IDUA: variants seen among roughly 807,000 people sequenced by gnomAD.
IDUA encodes alpha-L-iduronidase.
A neutral mutation model predicts 68.9 loss-of-function variants in IDUA; 65 were observed. The ratio of observed to expected loss-of-function variants is 0.94; its 90% CI spans 0.77 to 1.16. IDUA has a LOEUF of 1.16. Among genes scored for constraint, IDUA ranks in the 50% most tolerant of loss-of-function variants. The probability of loss-of-function intolerance (pLI) is 0.00; values close to 1 mark genes in which losing one functional copy is unlikely to be tolerated. For missense variants in IDUA, 1,046 were observed against 938.0 expected (o/e 1.12, Z -1.50); for synonymous variants, 529 against 433.6 (o/e 1.22, Z -2.73).
At chr4:987,610 C>T (rs1713836975) in intron 1 of IDUA, 199 bp from the exon 2 acceptor site, 4 of 1,435,970 alleles carry the variant, frequency 2.8e-6, no homozygotes, top group East Asian at 2.5e-5. Context: ...GTTGGCCCCT[C>T]GTCTTACTGC....
intron 2 of IDUA, chr4:988,825 T>C (rs1331092895): frequency 1.3e-6 from 2 of 1,575,026 alleles, no homozygotes; most frequent in South Asian, 2.4e-5. Context: ...TGGGCAGGCC[T>C]GGCCCTGCTA....
chr4:992,217 C>T (rs1470706413), intron 2 of IDUA: 2 of 458,156 alleles, frequency 4.4e-6, no homozygotes, highest in Admixed American at 2.3e-5. Flanking sequence ...GTGTCCACCT[C>T]CCTGGCTCCC....
chr4:989,763 G>C, intron 2 of IDUA: 6 of 1,560,622 alleles, frequency 3.8e-6, no homozygotes, highest in Non-Finnish European at 5.2e-6. Context: ...TGGTGGCGAA[G>C]CAGTGGAGGA....
intron 2 of IDUA, among the ~76,000 whole-genome samples, chr4:999,043 A>G (rs955391210): frequency 1.3e-5 from 2 of 152,008 alleles, no homozygotes; most frequent in African/African-American, 4.8e-5. Flanking sequence ...TCTCTACTAA[A>G]AATACAAAAA....
chr4:1,003,938 C>T (rs979452948), intron 12 of IDUA, 74 bp from the exon 13 acceptor site: 18 of 1,234,118 alleles, frequency 1.5e-5, no homozygotes, highest in South Asian at 2.4e-5. Context: ...TGGGTCCACG[C>T]GGCCGTGCCC....
chr4:996,866 C>T (rs555639920), intron 2 of IDUA, among the ~76,000 whole-genome samples: 4 of 152,258 alleles, frequency 2.6e-5, no homozygotes, highest in East Asian at 3.9e-4. Context: ...AGCCTGTGCA[C>T]GCGCAGGGCT....
At chr4:1,003,309 C>T in intron 10 of IDUA, 36 bp from the exon 11 acceptor site, 5 of 1,421,464 alleles carry the variant, frequency 3.5e-6, no homozygotes, top group Non-Finnish European at 4.6e-6. Context: ...TCCCCAGCTC[C>T]CCTGGAGAAC....
At chr4:1,002,605 C>G in intron 8 of IDUA, 120 bp downstream of exon 8, 1 of 1,194,546 alleles carries the variant, frequency 8.4e-7, no homozygotes, top group Non-Finnish European at 1.1e-6. Context: ...GGGTCGGCCT[C>G]CGCGTGGCGG....
In IDUA at chr4:1,000,984, A is replaced by T; in HGVS notation, c.488A>T (p.Tyr163Phe). The change falls in exon 4 of 14, where the codon TAC becomes TTC. Residue 163 changes from tyrosine (Y) to phenylalanine (F), a missense_variant. Physicochemically the swap from Tyr to Phe is conservative, Grantham distance 22. Transcript: ENST00000514224. ...KDLVSSLARR[Y>F]IGRYGLAHVS... is the part of the protein sequence containing the mutation. ...TTGGTCTCCAGCCTGGCCAGGAGATACATCGGTGGGCGAGCGCAGGCCCTG... is the reference window on the plus strand; with the variant it reads ...TTGGTCTCCAGCCTGGCCAGGAGATTCATCGGTGGGCGAGCGCAGGCCCTG... The T allele has an allele frequency of 6.2e-7, 1 of 1,610,370 alleles. No homozygotes were observed. Among genetic ancestry groups the T allele is most frequent in the Non-Finnish European group, 8.5e-7 (1 of 1,177,418 alleles).
At chr4:991,818 C>T (rs1231409805) in intron 2 of IDUA, 6 of 1,532,988 alleles carry the variant, frequency 3.9e-6, no homozygotes, top group Admixed American at 3.9e-5. Flanking sequence ...CCCCTTGGGG[C>T]GGACCCCTCG....
At chr4:989,745 G>A (rs1353664496) in intron 2 of IDUA, 1 of 1,557,084 alleles carries the variant, frequency 6.4e-7, no homozygotes, top group Non-Finnish European at 8.7e-7. Flanking sequence ...TCTTGGCCAG[G>A]GCGGCGCTGG....
At chr4:987,705 G>A (rs1165598791) in intron 1 of IDUA, 104 bp from the exon 2 acceptor site, 21 of 1,561,248 alleles carry the variant, frequency 1.3e-5, no homozygotes, top group Non-Finnish European at 1.7e-5. Context: ...CACGGGCAGC[G>A]CCTGGATCCT....
chr4:987,515 C>T, intron 1 of IDUA: 1 of 891,184 alleles, frequency 1.1e-6, no homozygotes, highest in Non-Finnish European at 1.6e-6. Context: ...GACGGCCCTG[C>T]AGCGGGACCT....
At chr4:998,012 C>T (rs989958806) in intron 2 of IDUA, among the ~76,000 whole-genome samples, 7 of 152,246 alleles carry the variant, frequency 4.6e-5, no homozygotes, top group Admixed American at 2.6e-4. Flanking sequence ...CACCGTGCCC[C>T]GCTACTCCAA....
At position 1,003,403 on chromosome 4, in the gene IDUA, CCG is replaced by C; in HGVS notation, c.1587_1588del (p.Leu530AlafsTer41). 1 of 1,525,132 alleles carries C rather than the reference CCG, an allele frequency of 6.6e-7. No homozygotes were observed. The highest frequency in any genetic ancestry group is 8.7e-7 in the Non-Finnish European group (1 of 1,142,984). The allele number at this position is 1,525,132 out of a possible 1,614,324, so 94.5% of individuals were successfully genotyped here. On this transcript the variant is annotated frameshift_variant, in exon 11 of 14. Transcript: ENST00000514224. LOFTEE classifies it high-confidence loss of function. ...GCCGGCGGCCGCCTGACCCTGCGCC[CCG>C]CGCTGCGGCTGCCGTCGCTTTTGCT...
chr4:997,004 T>C (rs549172325), intron 2 of IDUA, among the ~76,000 whole-genome samples: 1 of 152,300 alleles, frequency 6.6e-6, no homozygotes, highest in East Asian at 1.9e-4. Flanking sequence ...TGGCCAGTCT[T>C]GTGTCACACG....
At chr4:989,830 G>C in intron 2 of IDUA, 1 of 1,580,154 alleles carries the variant, frequency 6.3e-7, no homozygotes, top group Non-Finnish European at 8.6e-7. Flanking sequence ...GGCACGCACA[G>C]AGTAGCCGTG....
In IDUA at chr4:1,002,280, G is replaced by C. The variant is rs746606129; in HGVS notation, c.984G>C (p.Gln328His). 13 of 1,611,818 alleles carry C rather than the reference G, an allele frequency of 8.1e-6. No individual in the cohort carries two copies. The East Asian group carries it at 2.7e-4, about 33-fold the overall frequency. ...YAAMVVKVIA[Q>H]HQNLLLANTT... ...CTGGACACCCGCAGGTCATCGCGCA[G>C]CATCAGAACCTGCTACTGGCCAACA... Residue 328 changes from glutamine to histidine, a missense_variant, in exon 8 of 14, where the codon CAG becomes CAC. Transcript: ENST00000514224.
chr4:1,002,469 G>C lies in IDUA; in HGVS notation c.1173G>C (p.Gly391=). ...GCAAGCCGGTGCTCACGGCCATGGG[G>C]CTGCTGGCGCTGCTGGGTGAGCCGG... ...LLRKPVLTAM[G]LLALLDEEQL... Residue 391 remains glycine (G), a synonymous_variant, in exon 8 of 14, where the codon GGG becomes GGC. Transcript: ENST00000514224. 1 of 1,543,276 alleles carries C rather than the reference G, an allele frequency of 6.5e-7. No homozygotes were observed. Among genetic ancestry groups the C allele is most frequent in the Non-Finnish European group, 8.7e-7 (1 of 1,143,942 alleles).
Sources: gnomAD v4.1 joint callset for allele counts (sites outside exome capture counted in the v4.1 genomes callset) on GRCh38, gnomAD v4.1.1 for gene constraint, MANE v1.5 for transcripts, NCBI Gene and HGNC (gene_info 2026-07-23, HGNC 2026-07-21) for gene names.